The following TSPAN8 variants were observed in gnomAD, a reference collection of about 807,000 sequenced individuals.
The protein encoded by TSPAN8 is tetraspanin-8.
A neutral mutation model predicts 32.8 loss-of-function variants in TSPAN8; 21 were observed. That is an observed-to-expected ratio of 0.64 (90% confidence interval 0.45 to 0.92). The LOEUF (loss-of-function observed/expected upper bound fraction) is 0.92. Ranked by LOEUF, TSPAN8 falls within the 40% of genes least tolerant of loss-of-function variation. TSPAN8 has a pLI of 0.00. For missense variants in TSPAN8, 269 were observed against 281.9 expected (o/e 0.95, Z 0.33); for synonymous variants, 95 against 94.6 (o/e 1.00, Z -0.03).
intron 4 of TSPAN8, among the ~76,000 whole-genome samples, chr12:71,138,961 C>T (rs1195349320): frequency 8.8e-6 from 1 of 113,148 alleles, no homozygotes; most frequent in Non-Finnish European, 1.8e-5. Context: ...CTGATAAACA[C>T]TTGATTTTTT....
chr12:71,146,571 A>C (rs1272406998), intron 2 of TSPAN8, among the ~76,000 whole-genome samples: 1 of 152,152 alleles, frequency 6.6e-6, no homozygotes, highest in African/African-American at 2.4e-5. Flanking sequence ...TAATAAATAA[A>C]TGCCTGCTCT....
At chr12:71,154,078 G>A (rs1872343268) in intron 2 of TSPAN8, among the ~76,000 whole-genome samples, 1 of 152,022 alleles carries the variant, frequency 6.6e-6, no homozygotes, top group African/African-American at 2.4e-5. Context: ...GGAGGCAGAA[G>A]TAGATGGATC....
chr12:71,140,819 C>T lies in TSPAN8; in HGVS notation c.124-971G>A, dbSNP rs80070186. Among the ~76,000 whole-genome samples, 974 of 152,254 alleles carry T rather than the reference C, an allele frequency of 6.4e-3. 13 individuals are homozygous for T. The highest frequency in any genetic ancestry group is 0.022 in the African/African-American group (905 of 41,544). On this transcript the variant is annotated intron_variant, in intron 3 of 8. Transcript: ENST00000247829. ...ATAAATCCTATATGTAGCCCATTTG[C>T]CTTCTATAACCTCTATCTACTGGGC... is the stretch of plus-strand genomic sequence containing the variant.
intron 6 of TSPAN8, among the ~76,000 whole-genome samples, chr12:71,136,087 G>A (rs1273365029): frequency 8.0e-6 from 1 of 125,360 alleles, no homozygotes; most frequent in East Asian, 2.9e-4. Flanking sequence ...TGAATGCTCT[G>A]AGGGAGAAAA....
chr12:71,140,692 A>G (rs1871876320), intron 3 of TSPAN8, among the ~76,000 whole-genome samples: 1 of 152,176 alleles, frequency 6.6e-6, no homozygotes, highest in Admixed American at 6.5e-5. Flanking sequence ...CGTCTTCATC[A>G]CCCTCATAAC....
chr12:71,135,606 A>G (rs532099698), intron 6 of TSPAN8, among the ~76,000 whole-genome samples: 2 of 152,168 alleles, frequency 1.3e-5, no homozygotes, highest in Non-Finnish European at 2.9e-5. Flanking sequence ...ATATAGTCCT[A>G]GGAACACAAG....
chr12:71,125,384 G>A lies in TSPAN8; in HGVS notation c.664C>T (p.Leu222=). Residue 222 remains leucine, a synonymous_variant, in exon 9 of 9, where the codon CTG becomes TTG. Coordinates refer to ENST00000247829, the MANE Select transcript of TSPAN8 (RefSeq NM_004616.3). ...ISFGLAVIEI[L]GLVFSMVLYC... is the part of the protein sequence containing the mutation. ...AGGACCATAGAAAACACCAAACCCA[G>A]TATCTAGAGAACAAAATAACAGGAT... The A allele has an allele frequency of 6.2e-7, 1 of 1,611,548 alleles. No individual in the cohort carries two copies. Among genetic ancestry groups the A allele is most frequent in the Non-Finnish European group, 8.5e-7 (1 of 1,178,994 alleles).
chr12:71,128,197 T>A (rs958908006), intron 8 of TSPAN8, among the ~76,000 whole-genome samples: 22 of 152,332 alleles, frequency 1.4e-4, no homozygotes, highest in African/African-American at 5.3e-4. Context: ...TCATCTGGAC[T>A]ACAAGAAAGT....
intron 6 of TSPAN8, among the ~76,000 whole-genome samples, chr12:71,134,808 T>G (rs937317): frequency 6.6e-6 from 1 of 152,070 alleles, no homozygotes; most frequent in Non-Finnish European, 1.5e-5. Context: ...GTCATACTCA[T>G]AGATGAGAGG....
chr12:71,144,093 T>C, intron 3 of TSPAN8, 58 bp downstream of exon 3: 2 of 1,465,444 alleles, frequency 1.4e-6, no homozygotes, highest in Non-Finnish European at 1.9e-6. Flanking sequence ...ATAACTTTCA[T>C]TATTATAAAT....
At chr12:71,131,581 A>T (rs1400472871) in intron 7 of TSPAN8, among the ~76,000 whole-genome samples, 2 of 151,536 alleles carry the variant, frequency 1.3e-5, no homozygotes, top group Non-Finnish European at 2.9e-5. Flanking sequence ...TGTGATTTAT[A>T]GTGGTTTTTA....
At chr12:71,145,783 TTTC>T (rs1872057375) in intron 2 of TSPAN8, among the ~76,000 whole-genome samples, 1 of 152,166 alleles carries the variant, frequency 6.6e-6, no homozygotes, top group Non-Finnish European at 1.5e-5. Context: ...CTTCTTTCGT[TTTC>T]TTCTCTTTTC....
intron 6 of TSPAN8, 134 bp from the exon 7 acceptor site, chr12:71,132,958 T>C: frequency 9.5e-7 from 1 of 1,050,788 alleles, no homozygotes; most frequent in East Asian, 2.7e-5. Context: ...ACCTTTCACC[T>C]TTCTCTGTGT....
At chr12:71,147,751 A>G (rs149085396) in intron 2 of TSPAN8, among the ~76,000 whole-genome samples, 296 of 152,272 alleles carry the variant, frequency 1.9e-3, no homozygotes, top group African/African-American at 5.9e-3. Context: ...TCCTTCATCA[A>G]TTTCTAAAGA....
At chr12:71,145,029 A>G (rs926246003) in intron 2 of TSPAN8, among the ~76,000 whole-genome samples, 18 of 152,158 alleles carry the variant, frequency 1.2e-4, no homozygotes, top group African/African-American at 4.3e-4. Context: ...AGATGTTAAG[A>G]GCTGTGTCTG....
At chr12:71,133,320 C>T (rs566149751) in intron 6 of TSPAN8, among the ~76,000 whole-genome samples, 1 of 152,106 alleles carries the variant, frequency 6.6e-6, no homozygotes, top group South Asian at 2.1e-4. Flanking sequence ...CTCCTGACCT[C>T]GTGATCTGTC....
At chr12:71,155,106 G>A (rs1872383348) in intron 2 of TSPAN8, among the ~76,000 whole-genome samples, 1 of 152,194 alleles carries the variant, frequency 6.6e-6, no homozygotes, top group South Asian at 2.1e-4. Flanking sequence ...AGTATTTTAT[G>A]CCACTTAAAA....
At chr12:71,138,646 T>C (rs117436195) in intron 4 of TSPAN8, among the ~76,000 whole-genome samples, 17 of 152,202 alleles carry the variant, frequency 1.1e-4, no homozygotes, top group Admixed American at 6.5e-4. Context: ...GTTACATATA[T>C]AGATTCCTGA....
intron 2 of TSPAN8, among the ~76,000 whole-genome samples, chr12:71,155,349 A>T (rs944580416): frequency 8.5e-5 from 13 of 152,142 alleles, no homozygotes; most frequent in Non-Finnish European, 1.3e-4. Context: ...ATACAAAATC[A>T]CTTATGATTG....
Sources: allele counts gnomAD v4.1 joint callset (sites outside exome capture counted in the v4.1 genomes callset), GRCh38; gene constraint gnomAD v4.1.1; transcripts MANE v1.5; gene names NCBI Gene and HGNC (gene_info 2026-07-23, HGNC 2026-07-21).